Variants in LIPJ observed in about 807,000 individuals in gnomAD.
LIPJ encodes lipase member J.
LIPJ carries 33 observed loss-of-function variants against 39.8 expected under a neutral mutation model. The ratio of observed to expected loss-of-function variants is 0.83; its 90% CI spans 0.63 to 1.11. The LOEUF (loss-of-function observed/expected upper bound fraction) is 1.11. LIPJ is among the 50% of genes least tolerant of loss of function. The probability of loss-of-function intolerance (pLI) is 0.00; values close to 1 mark genes in which losing one functional copy is unlikely to be tolerated. For synonymous variants in LIPJ, 128 were observed against 139.2 expected (o/e 0.92, Z 0.57); for missense variants, 422 against 427.9 (o/e 0.99, Z 0.12).
chr10:88,583,212 G>C, upstream of LIPJ: 1 of 1,612,820 alleles, frequency 6.2e-7, no homozygotes, highest in Middle Eastern at 1.7e-4. Flanking sequence ...GCAGCGATCC[G>C]CGCTGAGTCT....
At chr10:88,584,627 G>T (rs1850845004), upstream of LIPJ, 1 of 152,084 alleles carries the variant, frequency 6.6e-6, no homozygotes, top group South Asian at 2.1e-4. Flanking sequence ...TTGAGACAGG[G>T]TCTTGTGTCA....
chr10:88,596,986 G>A, intron 8 of LIPJ, 50 bp downstream of exon 8: 2 of 1,059,790 alleles, frequency 1.9e-6, no homozygotes, highest in Non-Finnish European at 1.4e-6. Flanking sequence ...TATTTGGAAA[G>A]TATAATAATA....
chr10:88,590,001 CT>C (rs1851028093), intron 2 of LIPJ, among the ~76,000 whole-genome samples: 1 of 151,490 alleles, frequency 6.6e-6, no homozygotes, highest in Admixed American at 6.6e-5. Context: ...GTAAGTCATG[CT>C]TTTGGGGGGA....
chr10:88,606,668 T>G lies in LIPJ; in HGVS notation c.868-6T>G. 2 of 1,570,572 alleles carry G rather than the reference T, an allele frequency of 1.3e-6. No homozygotes were observed. The highest frequency in any genetic ancestry group is 4.5e-5 in the East Asian group (2 of 44,508). ...GAAAACTATTTTTTCACTCATTTAT[T>G]TTCAGACAACGTCTCCATTATACAA... is the stretch of plus-strand genomic sequence containing the variant. On this transcript the variant is annotated splice_region_variant and splice_polypyrimidine_tract_variant and intron_variant, in intron 10 of 10. Coordinates refer to ENST00000371939, the Ensembl canonical transcript of LIPJ.
At chr10:88,605,290 A>G (rs1468845982) in intron 9 of LIPJ, among the ~76,000 whole-genome samples, 2 of 152,176 alleles carry the variant, frequency 1.3e-5, no homozygotes, top group Non-Finnish European at 2.9e-5. Flanking sequence ...TCTTAGTCTC[A>G]GTGCAAGACA....
chr10:88,599,008 A>G (rs181552190), intron 8 of LIPJ, among the ~76,000 whole-genome samples: 150 of 142,770 alleles, frequency 1.1e-3, no homozygotes, highest in Non-Finnish European at 2.0e-3. Context: ...ATTATATTAT[A>G]ATAATATATT....
the LIPJ span, among the ~76,000 whole-genome samples, chr10:88,614,391 T>C: frequency 6.6e-6 from 1 of 152,148 alleles, no homozygotes; most frequent in Non-Finnish European, 1.5e-5. Context: ...TATTTTTCTC[T>C]ACTTTGTACC....
chr10:88,618,325 G>A, the LIPJ span: 1 of 152,250 alleles, frequency 6.6e-6, no homozygotes, highest in Non-Finnish European at 1.5e-5. Context: ...AAGATAACTT[G>A]AAGGGCATAA....
chr10:88,594,664 T>C lies in LIPJ; in HGVS notation c.330-3T>C, dbSNP rs769800075. 7 of 1,431,462 alleles carry C rather than the reference T, an allele frequency of 4.9e-6. No individual in the cohort carries two copies. The highest frequency in any genetic ancestry group is 6.6e-6 in the Non-Finnish European group (7 of 1,054,384). 88.7% of individuals were successfully genotyped at this position (1,431,462 alleles called of 1,614,324 possible). A position where few individuals can be genotyped will look rare whatever the true frequency, so the allele number is the denominator to read the frequency against. On this transcript the variant is annotated splice_polypyrimidine_tract_variant and splice_region_variant and intron_variant, in intron 5 of 10. Transcript: ENST00000371939. ...TATTTTTATTTTCCTCTTTCTTTTG[T>C]AGTTTTGATGAGATGGCAAAATATG...
At chr10:88,616,629 GC>G in the LIPJ span, among the ~76,000 whole-genome samples, 1 of 152,178 alleles carries the variant, frequency 6.6e-6, no homozygotes, top group Non-Finnish European at 1.5e-5. Context: ...AGAAGTGGAC[GC>G]CCACCAATAA....
chr10:88,582,990 CT>C, upstream of LIPJ: 1 of 1,481,226 alleles, frequency 6.8e-7, no homozygotes, highest in Non-Finnish European at 9.1e-7. Context: ...TCGCCTTAGA[CT>C]TTCTTGGGTG....
the LIPJ span, chr10:88,618,992 T>C: frequency 6.6e-6 from 1 of 152,208 alleles, no homozygotes; most frequent in African/African-American, 2.4e-5. Context: ...TAATTTATTT[T>C]TGTTAACTAT....
At chr10:88,596,645 C>A in intron 7 of LIPJ, 145 bp from the exon 8 acceptor site, 1 of 871,804 alleles carries the variant, frequency 1.1e-6, no homozygotes. Flanking sequence ...TCTCCACACC[C>A]TGCTTCCAAG....
At position 88,602,921 on chromosome 10, in the gene LIPJ, A is replaced by C. The variant is rs193138138; in HGVS notation, c.795+274A>C. Among the ~76,000 whole-genome samples, 47 of 152,140 alleles carry C rather than the reference A, an allele frequency of 3.1e-4. 1 individual carries two copies. The East Asian group carries it at 8.7e-3, about 28-fold the overall frequency. Reference sequence around the variant, plus strand: ...AACCTGGCCAACATGATGAAACCCTATCTCTACTAAAAATACAAAAATTAG... The same window carrying C: ...AACCTGGCCAACATGATGAAACCCTCTCTCTACTAAAAATACAAAAATTAG... On this transcript the variant is annotated intron_variant, in intron 9 of 10. Transcript: ENST00000371939.
At chr10:88,602,171 C>G (rs548212598) in intron 8 of LIPJ, among the ~76,000 whole-genome samples, 1 of 152,078 alleles carries the variant, frequency 6.6e-6, no homozygotes, top group African/African-American at 2.4e-5. Context: ...GACAAATAAC[C>G]TTAAACAAAC....
At chr10:88,594,440 A>G (rs548126794) in intron 5 of LIPJ, 17 of 460,232 alleles carry the variant, frequency 3.7e-5, no homozygotes, top group Non-Finnish European at 6.1e-5. Context: ...ACCCTACTCT[A>G]TTTTTCATAT....
intron 8 of LIPJ, among the ~76,000 whole-genome samples, chr10:88,601,952 T>C (rs370447695): frequency 1.3e-4 from 20 of 152,134 alleles, no homozygotes; most frequent in African/African-American, 4.1e-4. Flanking sequence ...ACATGTCTGG[T>C]TCACTGAGGT....
chr10:88,583,771 T>C (rs1850803699), upstream of LIPJ: 1 of 932,008 alleles, frequency 1.1e-6, no homozygotes, highest in South Asian at 5.0e-5. Context: ...AACCTCAATT[T>C]CTCCATCTGG....
intron 3 of LIPJ, among the ~76,000 whole-genome samples, chr10:88,590,962 A>G (rs1851060947): frequency 6.6e-6 from 1 of 151,802 alleles, no homozygotes; most frequent in African/African-American, 2.4e-5. Flanking sequence ...TCTCTTCTAC[A>G]TATTTATAAA....
Sources: gnomAD v4.1 joint callset for allele counts (sites outside exome capture counted in the v4.1 genomes callset) on GRCh38, gnomAD v4.1.1 for gene constraint, MANE v1.5 for transcripts, NCBI Gene and HGNC (gene_info 2026-07-23, HGNC 2026-07-21) for gene names.